Variants in POU6F2 observed in about 807,000 individuals in gnomAD.
POU6F2 encodes the protein POU domain, class 6, transcription factor 2.
Under a neutral mutation model 71.3 loss-of-function variants are expected in POU6F2, and 31 were observed. The observed-to-expected ratio is 0.43, with a 90% CI of 0.33 to 0.59. The LOEUF is 0.59. Ranked by LOEUF, POU6F2 falls within the 20% of genes least tolerant of loss-of-function variation. The probability of loss-of-function intolerance (pLI) is 0.04; values close to 1 mark genes in which losing one functional copy is unlikely to be tolerated. For missense variants in POU6F2, 783 were observed against 856.8 expected (o/e 0.91, Z 1.07); for synonymous variants, 347 against 355.7 (o/e 0.98, Z 0.27).
intron 4 of POU6F2, among the ~76,000 whole-genome samples, chr7:39,274,072 T>A (rs35460329): frequency 0.15 from 22,825 of 152,124 alleles, 1,843 homozygotes; most frequent in Middle Eastern, 0.24. Context: ...ACCTTCAAAC[T>A]ACTTACCAAA....
At chr7:39,088,275 C>CGGAGAA (rs1791297144) in intron 2 of POU6F2, among the ~76,000 whole-genome samples, 1 of 151,692 alleles carries the variant, frequency 6.6e-6, no homozygotes, top group Non-Finnish European at 1.5e-5. Context: ...GGAAGACACT[C>CGGAGAA]TAATATTCTC....
At chr7:39,311,146 A>G (rs939689537) in intron 4 of POU6F2, among the ~76,000 whole-genome samples, 3 of 152,050 alleles carry the variant, frequency 2.0e-5, no homozygotes, top group Non-Finnish European at 4.4e-5. Context: ...GAAAAGCCCC[A>G]GTCTTCAACA....
At chr7:39,418,564 C>T (rs998663180) in intron 6 of POU6F2, among the ~76,000 whole-genome samples, 13 of 151,990 alleles carry the variant, frequency 8.6e-5, no homozygotes, top group Non-Finnish European at 1.6e-4. Flanking sequence ...GAGGCAGGCA[C>T]CTGTAGTCCC....
chr7:39,326,926 T>C (rs931688679), intron 4 of POU6F2, among the ~76,000 whole-genome samples: 1 of 152,166 alleles, frequency 6.6e-6, no homozygotes, highest in Non-Finnish European at 1.5e-5. Flanking sequence ...TATTTTGTAT[T>C]TCTTTCTCCT....
At chr7:39,212,037 C>G (rs1315035758) in intron 4 of POU6F2, among the ~76,000 whole-genome samples, 1 of 152,188 alleles carries the variant, frequency 6.6e-6, no homozygotes, top group African/African-American at 2.4e-5. Flanking sequence ...AAAATTCTGA[C>G]TATCCAAGAG....
chr7:39,358,325 A>C (rs944521999), intron 5 of POU6F2, among the ~76,000 whole-genome samples: 1 of 152,166 alleles, frequency 6.6e-6, no homozygotes, highest in African/African-American at 2.4e-5. Flanking sequence ...TGGGGTACAG[A>C]TGAAAGAATA....
chr7:38,987,594 T>G (rs541592939), intron 1 of POU6F2, among the ~76,000 whole-genome samples: 1 of 152,222 alleles, frequency 6.6e-6, no homozygotes, highest in African/African-American at 2.4e-5. Context: ...AATAATGCAG[T>G]CACAAGCAGG....
intron 2 of POU6F2, among the ~76,000 whole-genome samples, chr7:39,137,042 A>G (rs1350228649): frequency 2.0e-5 from 3 of 150,308 alleles, no homozygotes; most frequent in East Asian, 3.9e-4. Flanking sequence ...AAGAGTGGAG[A>G]TGTTCCTTAC....
intron 2 of POU6F2, among the ~76,000 whole-genome samples, chr7:39,112,235 A>G (rs1172258569): frequency 6.6e-6 from 1 of 151,614 alleles, no homozygotes; most frequent in Non-Finnish European, 1.5e-5. Flanking sequence ...AAGGACTGAA[A>G]TTAGTCTTTT....
intron 4 of POU6F2, among the ~76,000 whole-genome samples, chr7:39,268,457 A>G (rs1016549752): frequency 2.0e-5 from 3 of 152,050 alleles, no homozygotes; most frequent in Non-Finnish European, 4.4e-5. Flanking sequence ...GATGACTTTC[A>G]GTGGCTTTTT....
At chr7:39,397,834 A>ATAT (rs1395034721) in intron 5 of POU6F2, among the ~76,000 whole-genome samples, 1 of 143,674 alleles carries the variant, frequency 7.0e-6, no homozygotes, top group Non-Finnish European at 1.5e-5. Flanking sequence ...ATATATATAT[A>ATAT]GTAGAGACGG....
chr7:39,087,428 A>G (rs1393215011), intron 2 of POU6F2, among the ~76,000 whole-genome samples: 2 of 152,120 alleles, frequency 1.3e-5, no homozygotes, highest in African/African-American at 4.8e-5. Flanking sequence ...TTTGAAAAGC[A>G]GCAATGCCAC....
At chr7:39,367,530 A>C (rs1786526828) in intron 5 of POU6F2, among the ~76,000 whole-genome samples, 1 of 152,236 alleles carries the variant, frequency 6.6e-6, no homozygotes, top group Admixed American at 6.5e-5. Context: ...TAAATCTTTT[A>C]AAAGCATTTT....
chr7:39,405,741 C>T (rs1282099336), intron 5 of POU6F2, among the ~76,000 whole-genome samples: 4 of 152,274 alleles, frequency 2.6e-5, no homozygotes, highest in African/African-American at 9.6e-5. Flanking sequence ...AAACCTGTGG[C>T]GTGGAAAATT....
At chr7:39,242,692 C>A (rs530650380) in intron 4 of POU6F2, among the ~76,000 whole-genome samples, 2 of 152,194 alleles carry the variant, frequency 1.3e-5, no homozygotes, top group East Asian at 3.9e-4. Flanking sequence ...TAATTACATA[C>A]CATATTTGTT....
intron 2 of POU6F2, among the ~76,000 whole-genome samples, chr7:39,155,265 T>TG (rs1290937085): frequency 9.2e-6 from 1 of 108,814 alleles, no homozygotes; most frequent in East Asian, 3.1e-4. Flanking sequence ...GGGTGGGGGT[T>TG]GGGGGGGAGT....
intron 2 of POU6F2, among the ~76,000 whole-genome samples, chr7:39,103,375 A>C (rs1791615396): frequency 1.3e-5 from 2 of 152,160 alleles, no homozygotes; most frequent in Admixed American, 1.3e-4. Context: ...CATTGGAGGG[A>C]GATGGAGTCT....
intron 2 of POU6F2, among the ~76,000 whole-genome samples, chr7:39,186,205 T>C (rs1793537356): frequency 6.6e-6 from 1 of 152,312 alleles, no homozygotes; most frequent in African/African-American, 2.4e-5. Context: ...TCATAGTCAG[T>C]AGTGAACTTG....
intron 1 of POU6F2, among the ~76,000 whole-genome samples, chr7:39,036,509 A>G (rs537541189): frequency 5.9e-4 from 90 of 152,178 alleles, no homozygotes; most frequent in Admixed American, 3.9e-3. Context: ...TTAAGGCAGG[A>G]TGTTTTTTTC....
Sources: allele counts gnomAD v4.1 joint callset (sites outside exome capture counted in the v4.1 genomes callset), GRCh38; gene constraint gnomAD v4.1.1; transcripts MANE v1.5; gene names NCBI Gene and HGNC (gene_info 2026-07-23, HGNC 2026-07-21).